FYN: variants seen among roughly 807,000 people sequenced by gnomAD.
FYN encodes the protein FYN proto-oncogene, Src family tyrosine kinase.
FYN carries 10 observed loss-of-function variants against 70.2 expected under a neutral mutation model. The observed-to-expected ratio is 0.14, with a 90% CI of 0.09 to 0.24. The LOEUF is 0.24. Ranked by LOEUF, FYN falls within the 10% of genes least tolerant of loss-of-function variation. FYN has a pLI of 1.00. For synonymous variants in FYN, 236 were observed against 248.6 expected (o/e 0.95, Z 0.48); for missense variants, 319 against 673.1 (o/e 0.47, Z 5.82).
At chr6:111,779,611 G>C (rs966390156) in intron 3 of FYN, among the ~76,000 whole-genome samples, 9 of 152,164 alleles carry the variant, frequency 5.9e-5, no homozygotes, top group Admixed American at 3.3e-4. Context: ...GGGTCACCAG[G>C]GTTGGAGAAG....
chr6:111,822,066 C>A (rs1431077652), intron 2 of FYN, among the ~76,000 whole-genome samples: 1 of 152,174 alleles, frequency 6.6e-6, no homozygotes, highest in African/African-American at 2.4e-5. Flanking sequence ...GTGGAAGACA[C>A]TGTGGTGATT....
chr6:111,779,225 T>A (rs2128505883), intron 3 of FYN, among the ~76,000 whole-genome samples: 1 of 142,264 alleles, frequency 7.0e-6, no homozygotes, highest in East Asian at 2.2e-4. Flanking sequence ...CACAGTCACC[T>A]ACAGACATCT....
At chr6:111,724,749 G>C (rs937453949) in intron 3 of FYN, among the ~76,000 whole-genome samples, 22 of 152,200 alleles carry the variant, frequency 1.4e-4, no homozygotes, top group Non-Finnish European at 1.5e-5. Flanking sequence ...GTGAAGAAGT[G>C]ACAGCCCTTA....
At chr6:111,676,886 A>G (rs1302453835) in intron 12 of FYN, among the ~76,000 whole-genome samples, 1 of 152,194 alleles carries the variant, frequency 6.6e-6, no homozygotes, top group Non-Finnish European at 1.5e-5. Flanking sequence ...AGATTTTCCA[A>G]GGGATTTCAT....
At chr6:111,671,742 A>G (rs187447076) in intron 13 of FYN, among the ~76,000 whole-genome samples, 1 of 152,296 alleles carries the variant, frequency 6.6e-6, no homozygotes, top group East Asian at 1.9e-4. Context: ...ACAAATAGCA[A>G]GAATGCAGAG....
At chr6:111,667,510 C>A (rs1294439416) in intron 13 of FYN, among the ~76,000 whole-genome samples, 1 of 152,142 alleles carries the variant, frequency 6.6e-6, no homozygotes, top group Non-Finnish European at 1.5e-5. Flanking sequence ...CTGCTTCAGC[C>A]TCCCAAAGCA....
rs1457833668 is a variant in FYN at position 111,873,038 on chromosome 6, C to A, written c.-193G>T. On this transcript the variant is annotated 5_prime_UTR_variant, in exon 1 of 14. Transcript: ENST00000354650. ...CCGCCCTCCTCCGGCGCGGCCGAGGCGGCTCCGGGGGGTCCCCGGCGGGCC... is the reference window on the plus strand; with the variant it reads ...CCGCCCTCCTCCGGCGCGGCCGAGGAGGCTCCGGGGGGTCCCCGGCGGGCC... 2.0e-5 allele frequency: 3 copies of A among 149,178 alleles called. No individual in the cohort carries two copies. Among genetic ancestry groups the A allele is most frequent in the Admixed American group, 6.6e-5 (1 of 15,062 alleles). The allele number at this position is 149,178 out of a possible 1,614,324, so 9.2% of individuals were successfully genotyped here.
At chr6:111,792,105 G>A (rs1244579114) in intron 2 of FYN, among the ~76,000 whole-genome samples, 2 of 152,106 alleles carry the variant, frequency 1.3e-5, no homozygotes, top group Non-Finnish European at 2.9e-5. Flanking sequence ...CCACAGAGTG[G>A]AGAACATAAT....
intron 1 of FYN, among the ~76,000 whole-genome samples, chr6:111,859,958 A>G (rs1773916347): frequency 6.6e-6 from 1 of 152,220 alleles, no homozygotes; most frequent in Non-Finnish European, 1.5e-5. Flanking sequence ...AGGCCATGCA[A>G]TGACATGCAG....
At chr6:111,722,202 A>G (rs1405618319) in intron 3 of FYN, among the ~76,000 whole-genome samples, 4 of 152,196 alleles carry the variant, frequency 2.6e-5, no homozygotes, top group Non-Finnish European at 1.5e-5. Flanking sequence ...GTTCTTGAGA[A>G]TGAAAATGTT....
At chr6:111,785,717 C>T (rs192672921) in intron 2 of FYN, among the ~76,000 whole-genome samples, 17 of 151,640 alleles carry the variant, frequency 1.1e-4, no homozygotes, top group Admixed American at 7.9e-4. Context: ...ATGTACACAA[C>T]GTGAAGGTTT....
chr6:111,664,519 T>C (rs575302122), intron 13 of FYN, among the ~76,000 whole-genome samples: 4 of 152,346 alleles, frequency 2.6e-5, no homozygotes, highest in South Asian at 2.1e-4. Flanking sequence ...GAAAGTTTAA[T>C]TGGCCACTGG....
At chr6:111,779,392 C>T (rs776087494) in intron 3 of FYN, among the ~76,000 whole-genome samples, 108 of 152,006 alleles carry the variant, frequency 7.1e-4, no homozygotes, top group Non-Finnish European at 1.2e-3. Context: ...TAGACAAAAA[C>T]GTAAAATCAA....
At chr6:111,717,217 TG>T (rs565832516) in intron 4 of FYN, among the ~76,000 whole-genome samples, 108 of 152,368 alleles carry the variant, frequency 7.1e-4, no homozygotes, top group Non-Finnish European at 1.2e-3. Flanking sequence ...ATTTTTGAGC[TG>T]TATGTTTGAT....
At chr6:111,663,008 T>G (rs948898689) in intron 13 of FYN, among the ~76,000 whole-genome samples, 14 of 152,234 alleles carry the variant, frequency 9.2e-5, no homozygotes, top group African/African-American at 3.4e-4. Context: ...ACTGGCTGCC[T>G]TAACACTACA....
chr6:111,841,778 AT>A (rs80041109), intron 2 of FYN, among the ~76,000 whole-genome samples: 5,613 of 140,430 alleles, frequency 0.04, 119 homozygotes, highest in East Asian at 0.14. Context: ...AGGAAGAGGG[AT>A]TTTTTTTTTT....
chr6:111,786,845 T>C (rs1184040358), intron 2 of FYN, among the ~76,000 whole-genome samples: 2 of 152,274 alleles, frequency 1.3e-5, no homozygotes, highest in East Asian at 3.8e-4. Flanking sequence ...ATGTGTCTGT[T>C]GGCTGCAGAA....
At chr6:111,797,036 T>A (rs942004942) in intron 2 of FYN, among the ~76,000 whole-genome samples, 3 of 152,192 alleles carry the variant, frequency 2.0e-5, no homozygotes, top group Non-Finnish European at 4.4e-5. Context: ...ACTATTTTTT[T>A]AATAATGTTG....
intron 3 of FYN, among the ~76,000 whole-genome samples, chr6:111,742,412 T>C (rs1802017250): frequency 6.6e-6 from 1 of 152,236 alleles, no homozygotes; most frequent in Non-Finnish European, 1.5e-5. Context: ...TAAAAGCATA[T>C]ACACTGATAT....
Sources: gnomAD v4.1 joint callset for allele counts (sites outside exome capture counted in the v4.1 genomes callset) on GRCh38, gnomAD v4.1.1 for gene constraint, MANE v1.5 for transcripts, NCBI Gene and HGNC (gene_info 2026-07-23, HGNC 2026-07-21) for gene names.